CCDC127: variants seen among roughly 807,000 people sequenced by gnomAD.
CCDC127 encodes the protein coiled-coil domain containing 127.
In CCDC127, 2 loss-of-function variants were observed where a neutral mutation model predicts 4.1. That is an observed-to-expected ratio of 0.49 (90% CI 0.20 to 1.53). The LOEUF (loss-of-function observed/expected upper bound fraction) is 1.53, where lower values mean the gene tolerates loss of function less well. Among genes scored for constraint, CCDC127 ranks in the 40% most tolerant of loss-of-function variants. The probability of loss-of-function intolerance (pLI) is 0.23; values close to 1 mark genes in which losing one functional copy is unlikely to be tolerated. For synonymous variants in CCDC127, 98 were observed against 120.4 expected, an observed-to-expected ratio of 0.81 and a Z score of 1.22; for missense variants, 271 against 322.9, an observed-to-expected ratio of 0.84 and a Z score of 1.23.
rs180885877 is a variant in CCDC127, at chr5:197,157, G to C, written c.*8140C>G. ...ATCTCAGCAGAGTAAAGAATAACAA[G>C]GCAGCATTGCCGCAAACATGTCTCG... On this transcript the variant is annotated 3_prime_UTR_variant, in exon 3 of 3. Transcript: ENST00000296824. The C allele has an allele frequency of 6.6e-6, 1 of 152,016 alleles. No individual in the cohort carries two copies. The highest frequency in any genetic ancestry group is 2.4e-5 in the African/African-American group (1 of 41,380). 9.4% of individuals were successfully genotyped at this position (152,016 alleles called of 1,614,324 possible).
In CCDC127 at chr5:200,798, TACTC is replaced by T. The variant is rs1734060384; in HGVS notation, c.*4495_*4498del. On this transcript the variant is annotated 3_prime_UTR_variant, in exon 3 of 3. Coordinates refer to ENST00000296824, the MANE Select transcript of CCDC127 (RefSeq NM_145265.3). ...CTCAACCTATAAAACCCAGCGCAGT[TACTC>T]ACACAAGTCAAGGCAGACGGAGCAA... is the stretch of plus-strand genomic sequence containing the variant. 6.6e-6 allele frequency: 1 copy of T among 152,246 alleles called. No individual in the cohort carries two copies. Among genetic ancestry groups the T allele is most frequent in the African/African-American group, 2.4e-5 (1 of 41,446 alleles). The allele number at this position is 152,246 out of a possible 1,614,324, so 9.4% of individuals were successfully genotyped here. A position where few individuals can be genotyped will look rare whatever the true frequency, so the allele number is the denominator to read the frequency against.
chr5:200,014 C>T lies in CCDC127; in HGVS notation c.*5283G>A, dbSNP rs1371541090. On this transcript the variant is annotated 3_prime_UTR_variant, in exon 3 of 3. Transcript: ENST00000296824. ...CCCAGGTGAGGGAGATCTGCTTTCC[C>T]CATGGGGTTGGGGCGGCCATGCTGG... is the stretch of plus-strand genomic sequence containing the variant. The T allele has an allele frequency of 1.3e-5, 2 of 152,254 alleles. No homozygotes were observed. Among genetic ancestry groups the T allele is most frequent in the East Asian group, 3.9e-4 (2 of 5,188 alleles). 9.4% of individuals were successfully genotyped at this position (152,254 alleles called of 1,614,324 possible).
chr5:214,235 T>C (rs1032467842), intron 2 of CCDC127: 6 of 152,232 alleles, frequency 3.9e-5, no homozygotes, highest in Non-Finnish European at 8.8e-5. Context: ...TTGGGGTATC[T>C]TGACCGCATC....
Position 205,099 on chromosome 5 carries a change from G to C in CCDC127, c.*198C>G, listed in dbSNP as rs1734142324. On this transcript the variant is annotated 3_prime_UTR_variant, in exon 3 of 3. Coordinates refer to ENST00000296824, the MANE Select transcript of CCDC127 (RefSeq NM_145265.3). Reference sequence around the variant, plus strand: ...AGAAACCATATCCCCAACAGCGGCAGAGCATCGGGAGGAGACCCTCTGTCT... The same window carrying C: ...AGAAACCATATCCCCAACAGCGGCACAGCATCGGGAGGAGACCCTCTGTCT... 1.5e-5 allele frequency: 8 copies of C among 548,282 alleles called. No homozygotes were observed. Among genetic ancestry groups the C allele is most frequent in the Non-Finnish European group, 2.5e-5 (8 of 313,852 alleles). 34.0% of individuals were successfully genotyped at this position (548,282 alleles called of 1,614,324 possible).
intron 2 of CCDC127, among the ~76,000 whole-genome samples, chr5:208,903 A>C (rs1259065447): frequency 6.6e-6 from 1 of 152,260 alleles, no homozygotes; most frequent in Non-Finnish European, 1.5e-5. Context: ...AAATGAACAA[A>C]GATGATCAAC....
rs1734111834 is a variant in CCDC127 at position 203,558 on chromosome 5, T to C, written c.*1739A>G. The C allele has an allele frequency of 6.6e-6, 1 of 152,264 alleles. No homozygotes were observed. Among genetic ancestry groups the C allele is most frequent in the Non-Finnish European group, 1.5e-5 (1 of 68,066 alleles). The allele number at this position is 152,264 out of a possible 1,614,324, so 9.4% of individuals were successfully genotyped here. ...GTACAGCTCAGGGTGGAACATGCAC[T>C]CCATGAATAGTGGCTCTCATACTGC... On this transcript the variant is annotated 3_prime_UTR_variant, in exon 3 of 3. Transcript: ENST00000296824.
rs747082552 is a variant in CCDC127 at position 205,676 on chromosome 5, T to C, written c.404A>G (p.Gln135Arg). Residue 135 changes from glutamine (Q) to arginine (R), a missense_variant, in exon 3 of 3, where the codon CAG (glutamine) becomes CGG (arginine). Physicochemically the swap from Gln to Arg is conservative, Grantham distance 43. Coordinates refer to ENST00000296824, the MANE Select transcript of CCDC127 (RefSeq NM_145265.3). ...AQVMQEKRQV[Q>R]PLRSAYLSCL... ...GCTCAAATACGCACTTCTCAAAGGC[T>C]GCACCTGTCTTTTTTCTTGCATCAC... 2 of 1,614,160 alleles carry C rather than the reference T, an allele frequency of 1.2e-6. No individual in the cohort carries two copies. The highest frequency in any genetic ancestry group is 2.2e-5 in the East Asian group (1 of 44,888).
At chr5:217,992 T>C in intron 1 of CCDC127, 101 bp downstream of exon 1, 1 of 696,046 alleles carries the variant, frequency 1.4e-6, no homozygotes, top group Non-Finnish European at 1.8e-6. Context: ...CCCTGCGGTC[T>C]GGGCGTTCAG....
intron 2 of CCDC127, among the ~76,000 whole-genome samples, chr5:207,870 G>T (rs886964095): frequency 6.6e-6 from 1 of 152,150 alleles, no homozygotes; most frequent in Non-Finnish European, 1.5e-5. Flanking sequence ...GATCTCAGTC[G>T]AGTCACATCA....
chr5:208,039 G>A (rs1734212837), intron 2 of CCDC127, among the ~76,000 whole-genome samples: 1 of 152,190 alleles, frequency 6.6e-6, no homozygotes, highest in Non-Finnish European at 1.5e-5. Flanking sequence ...AGTGTGGCAG[G>A]ACAGGCTGGA....
At position 205,616 on chromosome 5, in the gene CCDC127, G is replaced by A. The variant is rs1439843843; in HGVS notation, c.464C>T (p.Ala155Val). The change falls in exon 3 of 3, where the codon GCC (alanine) becomes GTC (valine). Residue 155 changes from alanine to valine, a missense_variant. This residue lies in a region of CCDC127 where 265 missense variants were observed against 270.9 expected (regional missense o/e 0.98). Transcript: ENST00000296824. ...TTCAAATTCTTTCAGCAAAAGCCTGGCTCTCCTTTGCCAGTTTTCTTCCCT... is the reference window on the plus strand; with the variant it reads ...TTCAAATTCTTTCAGCAAAAGCCTGACTCTCCTTTGCCAGTTTTCTTCCCT... The part of the protein sequence containing the change: ...LQREENWQRR[A>V]RLLLKEFEAV... 6.2e-7 allele frequency: 1 copy of A among 1,614,198 alleles called. No homozygotes were observed. The highest frequency in any genetic ancestry group is 1.7e-5 in the Admixed American group (1 of 60,026).
chr5:218,043 C>T (rs977024283), intron 1 of CCDC127, 50 bp downstream of exon 1: 83 of 1,061,400 alleles, frequency 7.8e-5, no homozygotes, highest in Non-Finnish European at 9.2e-5. Flanking sequence ...ACCCACGGGG[C>T]TTTAAAAATG....
intron 2 of CCDC127, among the ~76,000 whole-genome samples, chr5:206,253 A>C (rs1396512324): frequency 1.0e-5 from 1 of 100,178 alleles, no homozygotes; most frequent in Non-Finnish European, 2.0e-5. Context: ...ACAATTGGCA[A>C]AGTTTAAAAT....
chr5:209,733 A>C (rs375982824), intron 2 of CCDC127, among the ~76,000 whole-genome samples: 52 of 152,044 alleles, frequency 3.4e-4, no homozygotes, highest in African/African-American at 1.1e-3. Flanking sequence ...CCTGGTCACA[A>C]ACATCATTCC....
intron 2 of CCDC127, among the ~76,000 whole-genome samples, chr5:213,631 C>T (rs888508755): frequency 6.7e-6 from 1 of 149,664 alleles, no homozygotes; most frequent in African/African-American, 2.5e-5. Context: ...CGACATTGCA[C>T]GCTGCAGCCA....
chr5:206,072 T>C (rs1734166246), intron 2 of CCDC127, 114 bp from the exon 3 acceptor site: 1 of 920,258 alleles, frequency 1.1e-6, no homozygotes. Flanking sequence ...GCTTAAGACC[T>C]CGGCTGTACC....
rs1243045862 is a variant in CCDC127, at chr5:218,128, A to T, written c.-46T>A. On this transcript the variant is annotated 5_prime_UTR_variant, in exon 1 of 3. Coordinates refer to ENST00000296824, the MANE Select transcript of CCDC127 (RefSeq NM_145265.3). Reference sequence around the variant, plus strand: ...GAGCGCGGGACCTCAGCGTTCCCTTAACGCCACCGTCCGCGGGTCCGCTTT... The same window carrying T: ...GAGCGCGGGACCTCAGCGTTCCCTTTACGCCACCGTCCGCGGGTCCGCTTT... 1 of 1,231,648 alleles carries T rather than the reference A, an allele frequency of 8.1e-7. No homozygotes were observed. Among genetic ancestry groups the T allele is most frequent in the African/African-American group, 1.6e-5 (1 of 63,628 alleles). 76.3% of individuals were successfully genotyped at this position (1,231,648 alleles called of 1,614,324 possible).
At chr5:209,057 C>T (rs1228973914) in intron 2 of CCDC127, among the ~76,000 whole-genome samples, 2 of 151,912 alleles carry the variant, frequency 1.3e-5, no homozygotes, top group African/African-American at 4.9e-5. Context: ...CAGAACAACT[C>T]GAAGAAAAAC....
In CCDC127 at chr5:196,885, G is replaced by A. The variant is rs201825834; in HGVS notation, c.*8412C>T. ...ACACAAAGTATAGAGAAACAACAGT[G>A]GGCCCAGGGGACCGGCGCTCAGCAT... On this transcript the variant is annotated 3_prime_UTR_variant, in exon 3 of 3. Coordinates refer to ENST00000296824, the MANE Select transcript of CCDC127 (RefSeq NM_145265.3). 1 of 149,870 alleles carries A rather than the reference G, an allele frequency of 6.7e-6. No individual in the cohort carries two copies. Among genetic ancestry groups the A allele is most frequent in the African/African-American group, 2.5e-5 (1 of 40,676 alleles). 9.3% of individuals were successfully genotyped at this position (149,870 alleles called of 1,614,324 possible). A position where few individuals can be genotyped will look rare whatever the true frequency, so the allele number is the denominator to read the frequency against.
Sources: gnomAD v4.1 joint callset for allele counts (sites outside exome capture counted in the v4.1 genomes callset) on GRCh38, gnomAD v4.1.1 for gene constraint, gnomAD v4.1.1 regional missense constraint, MANE v1.5 for transcripts, NCBI Gene and HGNC (gene_info 2026-07-23, HGNC 2026-07-21) for gene names.